The following DLD variants were observed in gnomAD, a reference collection of about 807,000 sequenced individuals.
The protein encoded by DLD is dihydrolipoyl dehydrogenase, mitochondrial.
Under a neutral mutation model 62.2 loss-of-function variants are expected in DLD, and 36 were observed. The ratio of observed to expected loss-of-function variants is 0.58; its 90% CI spans 0.44 to 0.76. The LOEUF (loss-of-function observed/expected upper bound fraction) is 0.76. Ranked by LOEUF, DLD falls within the 30% of genes least tolerant of loss-of-function variation. The probability of loss-of-function intolerance (pLI) is 0.00; values close to 1 mark genes in which losing one functional copy is unlikely to be tolerated. For missense variants in DLD, 541 were observed against 608.6 expected (o/e 0.89, Z 1.17); for synonymous variants, 204 against 199.6 (o/e 1.02, Z -0.19).
chr7:107,894,053 A>T (rs973419552), intron 2 of DLD, among the ~76,000 whole-genome samples: 1 of 152,206 alleles, frequency 6.6e-6, no homozygotes, highest in African/African-American at 2.4e-5. Context: ...ATCTAAAAGG[A>T]AGCTATGGGT....
rs2032284115 is a variant in DLD at position 107,916,874 on chromosome 7, C to T, written c.956C>T (p.Thr319Ile). 1 of 1,613,266 alleles carries T rather than the reference C, an allele frequency of 6.2e-7. No individual in the cohort carries two copies. Among genetic ancestry groups the T allele is most frequent in the Non-Finnish European group, 8.5e-7 (1 of 1,179,920 alleles). The change falls in exon 10 of 14, where the codon ACT becomes ATT. Residue 319 changes from threonine (T) to isoleucine (I), a missense_variant. By Grantham distance (89) the Thr-to-Ile change is moderately conservative. Coordinates refer to ENST00000205402, the MANE Select transcript of DLD (RefSeq NM_000108.5). Reference protein sequence around the residue: ...LLVCIGRRPFTKNLGLEELGI... With the variant: ...LLVCIGRRPFIKNLGLEELGI... The stretch of plus-strand genomic sequence containing the variant: ...GTTTGCATTGGCCGACGACCCTTTA[C>T]TAAGAATTTGGGACTAGAAGAGCTG...
intron 8 of DLD, among the ~76,000 whole-genome samples, chr7:107,912,102 AGCTTATTTT>A (rs1280465529): frequency 6.6e-6 from 1 of 151,378 alleles, no homozygotes; most frequent in Non-Finnish European, 1.5e-5. Flanking sequence ...TCCTGTGCTT[AGCTTATTTT>A]GCTTAACATG....
Position 107,891,224 on chromosome 7 carries a change from T to C in DLD, c.-27T>C. ...AGGCGCCCAGCGGAGGTGAAAGTAT[T>C]GGCGGAAAGGAAAATACAGCGGAAA... On this transcript the variant is annotated 5_prime_UTR_variant, in exon 1 of 14. Coordinates refer to ENST00000205402, the MANE Select transcript of DLD (RefSeq NM_000108.5). 1 of 1,613,938 alleles carries C rather than the reference T, an allele frequency of 6.2e-7. No individual in the cohort carries two copies. Among genetic ancestry groups the C allele is most frequent in the East Asian group, 2.2e-5 (1 of 44,876 alleles).
chr7:107,892,991 G>T (rs1427647064), intron 1 of DLD, among the ~76,000 whole-genome samples: 1 of 152,200 alleles, frequency 6.6e-6, no homozygotes, highest in African/African-American at 2.4e-5. Context: ...AAAAAGATGG[G>T]TGTGGCAAGC....
intron 8 of DLD, among the ~76,000 whole-genome samples, chr7:107,914,305 G>C (rs1011923280): frequency 6.6e-6 from 1 of 151,944 alleles, no homozygotes; most frequent in Non-Finnish European, 1.5e-5. Context: ...TAGAAGTTTT[G>C]TAATTTTTTT....
In DLD at chr7:107,917,952, C is replaced by T; in HGVS notation, c.1265C>T (p.Pro422Leu). Residue 422 changes from proline to leucine, a missense_variant, in exon 12 of 14, where the codon CCA (proline) becomes CTA (leucine). Transcript: ENST00000205402. Reference protein sequence around the residue: ...EGIEYKVGKFPFAANSRAKTN... With the variant: ...EGIEYKVGKFLFAANSRAKTN... ...ATTGAGTACAAAGTTGGGAAATTCC[C>T]ATTTGCTGCTAACAGCAGAGCTAAG... The T allele has an allele frequency of 6.2e-7, 1 of 1,614,018 alleles. No individual in the cohort carries two copies. The highest frequency in any genetic ancestry group is 8.5e-7 in the Non-Finnish European group (1 of 1,179,956).
rs7777259 is a variant in DLD at position 107,920,206 on chromosome 7, G to T, written c.*947G>T. 47,773 of 152,182 alleles carry T rather than the reference G, an allele frequency of 0.31. 8,887 individuals carry two copies. The highest frequency in any genetic ancestry group is 0.41 in the Non-Finnish European group (28,050 of 67,950). 9.4% of individuals were successfully genotyped at this position (152,182 alleles called of 1,614,324 possible). On this transcript the variant is annotated 3_prime_UTR_variant, in exon 14 of 14. Coordinates refer to ENST00000205402, the MANE Select transcript of DLD (RefSeq NM_000108.5). ...GAGTCTTTAATCTGTGTTTTCCTTGGCTGGGTTAATGACTGTTTATTTAAA... is the reference window on the plus strand; with the variant it reads ...GAGTCTTTAATCTGTGTTTTCCTTGTCTGGGTTAATGACTGTTTATTTAAA...
intron 2 of DLD, among the ~76,000 whole-genome samples, chr7:107,893,787 G>A (rs2031649936): frequency 6.6e-6 from 1 of 152,198 alleles, no homozygotes; most frequent in Non-Finnish European, 1.5e-5. Flanking sequence ...AGTCGGAGAG[G>A]TAGGCAGGAG....
At chr7:107,898,305 T>G (rs536240430) in intron 2 of DLD, among the ~76,000 whole-genome samples, 1 of 145,342 alleles carries the variant, frequency 6.9e-6, no homozygotes, top group East Asian at 2.0e-4. Flanking sequence ...GAGACAGAGT[T>G]TAGCTCTTGT....
chr7:107,917,367 G>A lies in DLD; in HGVS notation c.1141G>A (p.Ala381Thr). 1 of 1,614,164 alleles carries A rather than the reference G, an allele frequency of 6.2e-7. No homozygotes were observed. ...IICVEGMAGG[A>T]VHIDYNCVPS... is the part of the protein sequence containing the mutation. Reference sequence around the variant, plus strand: ...CTGTGTTGAAGGAATGGCTGGTGGTGCTGTGCACATTGACTACAATTGTGT... The same window carrying A: ...CTGTGTTGAAGGAATGGCTGGTGGTACTGTGCACATTGACTACAATTGTGT... Residue 381 changes from alanine (A) to threonine (T), a missense_variant, in exon 11 of 14, where the codon GCT (alanine) becomes ACT (threonine). Coordinates refer to ENST00000205402, the MANE Select transcript of DLD (RefSeq NM_000108.5).
chr7:107,912,673 A>T (rs1168513237), intron 8 of DLD, among the ~76,000 whole-genome samples: 1 of 151,806 alleles, frequency 6.6e-6, no homozygotes, highest in Non-Finnish European at 1.5e-5. Context: ...TTAAAATTGA[A>T]TTTTTTTGAG....
At chr7:107,915,351 A>G (rs2032240684) in intron 8 of DLD, among the ~76,000 whole-genome samples, 155 bp from the exon 9 acceptor site, 1 of 152,262 alleles carries the variant, frequency 6.6e-6, no homozygotes, top group South Asian at 2.1e-4. Context: ...GAAGTTATAC[A>G]TATTTAACAC....
At position 107,917,911 on chromosome 7, in the gene DLD, C is replaced by T; in HGVS notation, c.1237-13C>T. 6.2e-7 allele frequency: 1 copy of T among 1,613,666 alleles called. No individual in the cohort carries two copies. The highest frequency in any genetic ancestry group is 8.5e-7 in the Non-Finnish European group (1 of 1,179,756). ...TGGCAGTTACGTAGATTCTTTTTTT[C>T]TGACTGTCACAGGGTATTGAGTACA... On this transcript the variant is annotated splice_polypyrimidine_tract_variant and intron_variant, in intron 11 of 13. Coordinates refer to ENST00000205402, the MANE Select transcript of DLD (RefSeq NM_000108.5).
chr7:107,913,347 G>A (rs941862851), intron 8 of DLD, among the ~76,000 whole-genome samples: 1 of 151,954 alleles, frequency 6.6e-6, no homozygotes, highest in African/African-American at 2.4e-5. Flanking sequence ...TCATTTTAAC[G>A]ATATTAATTT....
At chr7:107,907,027 C>CT (rs1343847047) in intron 8 of DLD, among the ~76,000 whole-genome samples, 1 of 152,134 alleles carries the variant, frequency 6.6e-6, no homozygotes, top group Non-Finnish European at 1.5e-5. Flanking sequence ...ACTTTGTACC[C>CT]TTTTTTAGGT....
intron 8 of DLD, among the ~76,000 whole-genome samples, chr7:107,911,580 A>C (rs1411214787): frequency 6.6e-6 from 1 of 152,134 alleles, no homozygotes; most frequent in African/African-American, 2.4e-5. Flanking sequence ...ATACAATCCC[A>C]CCAGCAACGT....
At chr7:107,893,165 A>T in intron 1 of DLD, 35 bp from the exon 2 acceptor site, 1 of 1,570,382 alleles carries the variant, frequency 6.4e-7, no homozygotes, top group Non-Finnish European at 8.8e-7. Flanking sequence ...TTTTGAATTC[A>T]TATCTTACAT....
chr7:107,911,373 TTATC>T (rs1292075502), intron 8 of DLD, among the ~76,000 whole-genome samples: 2 of 152,232 alleles, frequency 1.3e-5, no homozygotes, highest in Non-Finnish European at 2.9e-5. Context: ...CACATTTTGT[TTATC>T]CATTCATCAT....
intron 5 of DLD, 23 bp downstream of exon 5, chr7:107,903,570 A>G (rs1584463405): frequency 7.0e-7 from 1 of 1,429,478 alleles, no homozygotes; most frequent in South Asian, 1.2e-5. Flanking sequence ...TTCATGCTTA[A>G]TGATATTACC....
Sources: allele counts gnomAD v4.1 joint callset (sites outside exome capture counted in the v4.1 genomes callset), GRCh38; gene constraint gnomAD v4.1.1; transcripts MANE v1.5; gene names NCBI Gene and HGNC (gene_info 2026-07-23, HGNC 2026-07-21).